CEP128: variants seen among roughly 807,000 people sequenced by gnomAD.
The protein encoded by CEP128 is centrosomal protein 128kDa.
In CEP128, 132 loss-of-function variants were observed where a neutral mutation model predicts 156.7. That is an observed-to-expected ratio of 0.84 (90% CI 0.73 to 0.97). CEP128 has a LOEUF of 0.97. CEP128 is among the 50% of genes least tolerant of loss of function. CEP128 has a pLI of 0.00. For synonymous variants in CEP128, 469 were observed against 448.9 expected (o/e 1.04, Z -0.57); for missense variants, 1,252 against 1,281.9 (o/e 0.98, Z 0.36).
At chr14:80,877,220 T>C (rs976909745) in intron 8 of CEP128, among the ~76,000 whole-genome samples, 4 of 150,394 alleles carry the variant, frequency 2.7e-5, no homozygotes, top group Non-Finnish European at 4.5e-5. Context: ...AAATGAAAAC[T>C]AATAAAAACG....
At chr14:80,483,209 G>T (rs573076164) in intron 14 of CEP128, among the ~76,000 whole-genome samples, 2 of 152,286 alleles carry the variant, frequency 1.3e-5, no homozygotes, top group Non-Finnish European at 2.9e-5. Flanking sequence ...CAAGGATTTT[G>T]TTCCACATTA....
chr14:80,770,817 C>T (rs1343163770), intron 16 of CEP128, among the ~76,000 whole-genome samples: 1 of 152,194 alleles, frequency 6.6e-6, no homozygotes, highest in South Asian at 2.1e-4. Flanking sequence ...TAAAAATGGT[C>T]TAAAGTGTAA....
chr14:80,658,388 C>T (rs1301824126), intron 19 of CEP128, among the ~76,000 whole-genome samples: 1 of 152,148 alleles, frequency 6.6e-6, no homozygotes, highest in Non-Finnish European at 1.5e-5. Flanking sequence ...ATTCAAAAGG[C>T]AGCTGTTCAT....
chr14:80,786,609 A>G (rs1003938269), intron 14 of CEP128, among the ~76,000 whole-genome samples: 2 of 152,186 alleles, frequency 1.3e-5, no homozygotes, highest in Non-Finnish European at 2.9e-5. Context: ...TCTGACCAGA[A>G]AGAAGTGAAT....
chr14:80,862,918 G>A (rs973033538), intron 8 of CEP128, 45 bp from the exon 9 acceptor site: 2 of 1,337,502 alleles, frequency 1.5e-6, no homozygotes, highest in Admixed American at 3.4e-5. Context: ...GAGCTAGCAA[G>A]CAAAACAGAC....
intron 19 of CEP128, among the ~76,000 whole-genome samples, chr14:80,610,612 T>C (rs567863371): frequency 1.3e-5 from 2 of 152,222 alleles, no homozygotes; most frequent in South Asian, 4.1e-4. Context: ...AATCAGTACC[T>C]TATGGGAGAA....
chr14:80,491,396 A>G (rs1443800405), intron 6 of CEP128, among the ~76,000 whole-genome samples: 2 of 152,050 alleles, frequency 1.3e-5, no homozygotes, highest in Non-Finnish European at 2.9e-5. Context: ...TGTTGCATCT[A>G]TTTTACTCAG....
At chr14:80,636,059 C>G (rs913903433) in intron 19 of CEP128, among the ~76,000 whole-genome samples, 3 of 152,112 alleles carry the variant, frequency 2.0e-5, no homozygotes, top group Non-Finnish European at 1.5e-5. Flanking sequence ...GCTTCTGGTC[C>G]CAAGCATTTT....
At chr14:80,635,122 A>G (rs185711501) in intron 19 of CEP128, among the ~76,000 whole-genome samples, 2 of 152,292 alleles carry the variant, frequency 1.3e-5, no homozygotes, top group East Asian at 3.9e-4. Context: ...CTAGCTACCT[A>G]TAATGCCTGC....
At chr14:80,944,822 CAAAA>C (rs55662141), upstream of CEP128, among the ~76,000 whole-genome samples, 14 of 34,654 alleles carry the variant, frequency 4.0e-4, no homozygotes, top group Admixed American at 1.3e-3. Flanking sequence ...GAGTCTGTCT[CAAAA>C]AAAAAAAAAA....
intron 6 of CEP128, among the ~76,000 whole-genome samples, chr14:80,902,314 A>T (rs1013779555): frequency 1.1e-4 from 17 of 152,362 alleles, no homozygotes; most frequent in African/African-American, 4.1e-4. Flanking sequence ...AGGAAAGAGT[A>T]AATGAATAAT....
intron 2 of CEP128, among the ~76,000 whole-genome samples, chr14:80,952,318 T>C (rs1886484101): frequency 6.6e-6 from 1 of 152,158 alleles, no homozygotes; most frequent in African/African-American, 2.4e-5. Flanking sequence ...CTATTTTCCC[T>C]GTCTATAATA....
At chr14:80,745,142 C>T (rs1348559082) in intron 18 of CEP128, among the ~76,000 whole-genome samples, 2 of 152,052 alleles carry the variant, frequency 1.3e-5, no homozygotes, top group East Asian at 1.9e-4. Flanking sequence ...CCTTGCTGTC[C>T]TCATGATAGT....
chr14:80,919,591 C>T (rs1320213667), intron 2 of CEP128, among the ~76,000 whole-genome samples: 1 of 151,972 alleles, frequency 6.6e-6, no homozygotes, highest in Non-Finnish European at 1.5e-5. Flanking sequence ...ATGGGTACCT[C>T]AAAGTCTTTT....
intron 19 of CEP128, among the ~76,000 whole-genome samples, chr14:80,741,705 T>C (rs1284427327): frequency 1.3e-5 from 2 of 152,180 alleles, no homozygotes; most frequent in Admixed American, 6.5e-5. Context: ...CACTTATAGA[T>C]AGGTTAACTT....
intron 13 of CEP128, among the ~76,000 whole-genome samples, chr14:80,801,648 C>A (rs1414620179): frequency 6.6e-6 from 1 of 151,950 alleles, no homozygotes; most frequent in Admixed American, 6.6e-5. Flanking sequence ...GTGGCTCACA[C>A]CTGTAATTCC....
chr14:80,775,927 G>A (rs1001691695), intron 16 of CEP128, among the ~76,000 whole-genome samples: 10 of 152,094 alleles, frequency 6.6e-5, no homozygotes, highest in East Asian at 1.9e-4. Flanking sequence ...TCCGCCCCCC[G>A]GGTTCAAGTG....
At position 80,724,233 on chromosome 14, in the gene CEP128, T is replaced by C. The variant is rs1394296059; in HGVS notation, c.2806+18842A>G. Among the ~76,000 whole-genome samples, 3 of 152,214 alleles carry C rather than the reference T, an allele frequency of 2.0e-5. No individual in the cohort carries two copies. The East Asian group carries it at 5.8e-4, about 29-fold the overall frequency. ...TGGTATTACTGGATCCAAAGTCTACTTTAAAATTTGGAATGCTGAAGAATA... is the reference window on the plus strand; with the variant it reads ...TGGTATTACTGGATCCAAAGTCTACCTTAAAATTTGGAATGCTGAAGAATA... On this transcript the variant is annotated intron_variant, in intron 19 of 24. Coordinates refer to ENST00000555265, the MANE Select transcript of CEP128 (RefSeq NM_152446.5).
chr14:80,582,208 T>G (rs1566792521), intron 19 of CEP128, among the ~76,000 whole-genome samples: 1 of 152,134 alleles, frequency 6.6e-6, no homozygotes, highest in Non-Finnish European at 1.5e-5. Context: ...GGAGCCCAAC[T>G]AAGACCAGAC....
Sources: allele counts gnomAD v4.1 joint callset (sites outside exome capture counted in the v4.1 genomes callset), GRCh38; gene constraint gnomAD v4.1.1; transcripts MANE v1.5; gene names NCBI Gene and HGNC (gene_info 2026-07-23, HGNC 2026-07-21).